Variants in CCDC91 observed in about 807,000 individuals in gnomAD.
CCDC91 encodes coiled-coil domain-containing protein 91.
Under a neutral mutation model 63.2 loss-of-function variants are expected in CCDC91, and 48 were observed. The ratio of observed to expected loss-of-function variants is 0.76; its 90% CI spans 0.60 to 0.97. The LOEUF is 0.97. CCDC91 is among the 50% of genes least tolerant of loss of function. CCDC91 has a pLI of 0.00. For missense variants in CCDC91, 500 were observed against 494.6 expected, an observed-to-expected ratio of 1.01 and a Z score of -0.10; for synonymous variants, 167 against 165.8, an observed-to-expected ratio of 1.01 and a Z score of -0.06.
chr12:28,243,546 T>C (rs1386854521), intron 1 of CCDC91, among the ~76,000 whole-genome samples: 3 of 152,146 alleles, frequency 2.0e-5, no homozygotes, highest in Non-Finnish European at 2.9e-5. Context: ...TAAATTAACA[T>C]TTGTGGTTAT....
At chr12:28,486,180 A>C (rs1206826551) in intron 12 of CCDC91, among the ~76,000 whole-genome samples, 2 of 152,136 alleles carry the variant, frequency 1.3e-5, no homozygotes, top group Non-Finnish European at 1.5e-5. Flanking sequence ...GTCCACTCTG[A>C]TTCTATGAAT....
intron 2 of CCDC91, among the ~76,000 whole-genome samples, chr12:28,258,764 C>T (rs1359315656): frequency 6.6e-6 from 1 of 151,900 alleles, no homozygotes; most frequent in East Asian, 1.9e-4. Context: ...TTTGCTGTGA[C>T]CTGGGCATCT....
At chr12:28,375,264 A>G (rs991642331) in intron 7 of CCDC91, among the ~76,000 whole-genome samples, 1 of 152,002 alleles carries the variant, frequency 6.6e-6, no homozygotes, top group African/African-American at 2.4e-5. Context: ...GCTCTTAAGA[A>G]ATATTAGGTA....
intron 7 of CCDC91, among the ~76,000 whole-genome samples, chr12:28,382,474 TAA>T (rs1438276640): frequency 4.6e-5 from 7 of 151,848 alleles, no homozygotes; most frequent in African/African-American, 1.5e-4. Flanking sequence ...AAAAAAAAAT[TAA>T]GTGTCATAAT....
At chr12:28,386,335 A>G (rs1344812432) in intron 7 of CCDC91, among the ~76,000 whole-genome samples, 2 of 152,176 alleles carry the variant, frequency 1.3e-5, no homozygotes, top group Non-Finnish European at 2.9e-5. Context: ...CCGTATTAAG[A>G]GACCTACAAA....
At chr12:28,427,238 A>T (rs1948369364) in intron 8 of CCDC91, among the ~76,000 whole-genome samples, 1 of 152,264 alleles carries the variant, frequency 6.6e-6, no homozygotes, top group South Asian at 2.1e-4. Context: ...TATGTGAGAT[A>T]AAAAGGCTAG....
At position 28,400,000 on chromosome 12, in the gene CCDC91, G is replaced by T. The variant is rs372303324; in HGVS notation, c.762+8589G>T. ...GGAGGATGGTAGCCCTCTTCTCACA[G>T]TTCTACTAGGCAGTACCTCAGAGGG... On this transcript the variant is annotated intron_variant, in intron 8 of 12. Transcript: ENST00000536442. Among the ~76,000 whole-genome samples, 9 of 152,300 alleles carry T rather than the reference G, an allele frequency of 5.9e-5. No homozygotes were observed. The East Asian group carries it at 1.4e-3, about 23-fold the overall frequency.
intron 7 of CCDC91, among the ~76,000 whole-genome samples, chr12:28,363,471 A>T (rs1430619555): frequency 1.3e-5 from 2 of 152,216 alleles, no homozygotes; most frequent in East Asian, 3.8e-4. Context: ...AATAATAAAT[A>T]TAAAAAATCC....
At chr12:28,416,095 G>C (rs1383660240) in intron 8 of CCDC91, among the ~76,000 whole-genome samples, 1 of 151,954 alleles carries the variant, frequency 6.6e-6, no homozygotes, top group Non-Finnish European at 1.5e-5. Flanking sequence ...TCCTCACCCA[G>C]CTGCTTCTTG....
chr12:28,217,104 A>G (rs554296498), intron 1 of CCDC91, among the ~76,000 whole-genome samples: 2 of 152,256 alleles, frequency 1.3e-5, no homozygotes, highest in African/African-American at 4.8e-5. Context: ...TATAATAAGG[A>G]AATTACGGCC....
At chr12:28,323,586 C>G (rs1565796518) in intron 6 of CCDC91, among the ~76,000 whole-genome samples, 1 of 151,818 alleles carries the variant, frequency 6.6e-6, no homozygotes, top group Non-Finnish European at 1.5e-5. Flanking sequence ...ACTATTCTTG[C>G]CTGTTACTCT....
At chr12:28,415,171 C>T (rs1947562847) in intron 8 of CCDC91, among the ~76,000 whole-genome samples, 1 of 149,962 alleles carries the variant, frequency 6.7e-6, no homozygotes, top group African/African-American at 2.4e-5. Context: ...CTTTAAGGCT[C>T]TTCTCTTTAG....
At chr12:28,246,635 T>C (rs1465764532) in intron 1 of CCDC91, among the ~76,000 whole-genome samples, 1 of 152,112 alleles carries the variant, frequency 6.6e-6, no homozygotes, top group South Asian at 2.1e-4. Flanking sequence ...AACATGATTG[T>C]TTTAGAAATA....
At chr12:28,255,829 T>C (rs1946408814) in intron 1 of CCDC91, 1 of 152,204 alleles carries the variant, frequency 6.6e-6, no homozygotes, top group South Asian at 2.1e-4. Flanking sequence ...TTAATGTTTT[T>C]ACTGTTTTTT....
At chr12:28,392,398 T>TGGGGA (rs1258588324) in intron 8 of CCDC91, among the ~76,000 whole-genome samples, 10 of 152,214 alleles carry the variant, frequency 6.6e-5, no homozygotes, top group African/African-American at 2.4e-4. Flanking sequence ...CCCTGTCTCA[T>TGGGGA]GTTGTCCTCA....
At chr12:28,410,771 C>T (rs760535900) in intron 8 of CCDC91, among the ~76,000 whole-genome samples, 28 of 152,190 alleles carry the variant, frequency 1.8e-4, no homozygotes, top group Non-Finnish European at 3.7e-4. Flanking sequence ...ATCCGCCCGC[C>T]TCAGCCTCCC....
At chr12:28,372,308 A>T (rs1000734254) in intron 7 of CCDC91, among the ~76,000 whole-genome samples, 1 of 151,692 alleles carries the variant, frequency 6.6e-6, no homozygotes, top group Non-Finnish European at 1.5e-5. Context: ...AGGATTGCTT[A>T]TTTGGGCTTT....
At chr12:28,200,803 C>T (rs1378022485) in intron 1 of CCDC91, among the ~76,000 whole-genome samples, 6 of 151,754 alleles carry the variant, frequency 4.0e-5, no homozygotes, top group South Asian at 2.1e-4. Context: ...ACCTCCCAGA[C>T]GGGGTGGTGG....
intron 3 of CCDC91, among the ~76,000 whole-genome samples, chr12:28,266,489 T>C (rs2136279263): frequency 6.6e-6 from 1 of 152,146 alleles, no homozygotes; most frequent in East Asian, 1.9e-4. Context: ...TTTAACTGTG[T>C]GGTATAACTG....
Sources: gnomAD v4.1 joint callset for allele counts (sites outside exome capture counted in the v4.1 genomes callset) on GRCh38, gnomAD v4.1.1 for gene constraint, MANE v1.5 for transcripts, NCBI Gene and HGNC (gene_info 2026-07-23, HGNC 2026-07-21) for gene names.